ARHGAP15: variants seen among roughly 807,000 people sequenced by gnomAD.
ARHGAP15 encodes Rho GTPase activating protein 15, also known as rho GTPase-activating protein 15.
ARHGAP15 carries 51 observed loss-of-function variants against 63.7 expected under a neutral mutation model. The observed-to-expected ratio is 0.80, with a 90% CI of 0.64 to 1.01. The LOEUF (loss-of-function observed/expected upper bound fraction) is 1.01. Among genes scored for constraint, ARHGAP15 ranks in the 50% least tolerant of loss-of-function variants. The pLI, the probability that ARHGAP15 is intolerant of heterozygous loss-of-function variation, is 0.00. For synonymous variants in ARHGAP15, 191 were observed against 193.8 expected (o/e 0.99, Z 0.12); for missense variants, 560 against 564.6 (o/e 0.99, Z 0.08).
chr2:143,132,921 A>G (rs527906203), intron 1 of ARHGAP15, among the ~76,000 whole-genome samples: 1 of 151,772 alleles, frequency 6.6e-6, no homozygotes, highest in Non-Finnish European at 1.5e-5. Context: ...ATGTTTGACA[A>G]CTCCTCACAA....
At chr2:143,220,859 G>A (rs1273266014) in intron 4 of ARHGAP15, among the ~76,000 whole-genome samples, 1 of 151,942 alleles carries the variant, frequency 6.6e-6, no homozygotes, top group East Asian at 1.9e-4. Context: ...TCAAGCACTT[G>A]GCTGAATTCT....
chr2:143,436,159 C>T (rs1224966348), intron 7 of ARHGAP15, among the ~76,000 whole-genome samples: 1 of 152,054 alleles, frequency 6.6e-6, no homozygotes, highest in Non-Finnish European at 1.5e-5. Context: ...ATGAAAATTA[C>T]ATATCTAGAA....
At chr2:143,574,598 T>A (rs1696597884) in intron 11 of ARHGAP15, among the ~76,000 whole-genome samples, 1 of 152,158 alleles carries the variant, frequency 6.6e-6, no homozygotes, top group African/African-American at 2.4e-5. Context: ...ATCCTCTCTA[T>A]TGATAAAGGC....
chr2:143,416,758 G>A (rs1688695422), intron 6 of ARHGAP15, among the ~76,000 whole-genome samples: 1 of 151,816 alleles, frequency 6.6e-6, no homozygotes, highest in African/African-American at 2.4e-5. Flanking sequence ...TTTACAGACT[G>A]TCTTAGTCCT....
At chr2:143,246,927 A>T (rs1694064004) in intron 5 of ARHGAP15, among the ~76,000 whole-genome samples, 3 of 152,170 alleles carry the variant, frequency 2.0e-5, no homozygotes, top group African/African-American at 7.2e-5. Flanking sequence ...CCTGGAGAGG[A>T]TGGCCACAGA....
intron 8 of ARHGAP15, among the ~76,000 whole-genome samples, chr2:143,449,032 A>G (rs1433096506): frequency 6.6e-6 from 1 of 152,072 alleles, no homozygotes; most frequent in East Asian, 1.9e-4. Context: ...TGCTATGACA[A>G]TGCATGATTT....
intron 11 of ARHGAP15, among the ~76,000 whole-genome samples, chr2:143,617,778 C>G (rs1698504425): frequency 6.6e-6 from 1 of 152,112 alleles, no homozygotes; most frequent in Non-Finnish European, 1.5e-5. Context: ...TAATATGATT[C>G]TAGGGAAGAG....
intron 6 of ARHGAP15, among the ~76,000 whole-genome samples, chr2:143,373,614 A>G (rs1000858071): frequency 3.0e-5 from 4 of 132,778 alleles, no homozygotes; most frequent in Admixed American, 8.4e-5. Flanking sequence ...TGGGTGAGAG[A>G]GCCAGACTCT....
intron 6 of ARHGAP15, among the ~76,000 whole-genome samples, chr2:143,286,621 G>A (rs978926697): frequency 6.6e-6 from 1 of 152,086 alleles, no homozygotes; most frequent in South Asian, 2.1e-4. Flanking sequence ...AATTGCCATG[G>A]TTCTAAGAAG....
At chr2:143,471,547 A>G (rs1303315167) in intron 8 of ARHGAP15, among the ~76,000 whole-genome samples, 1 of 152,160 alleles carries the variant, frequency 6.6e-6, no homozygotes, top group Non-Finnish European at 1.5e-5. Flanking sequence ...GAAAGGGGAT[A>G]GAGGGCTCCT....
chr2:143,484,147 C>T (rs1692201371), intron 8 of ARHGAP15, among the ~76,000 whole-genome samples: 1 of 151,972 alleles, frequency 6.6e-6, no homozygotes, highest in Non-Finnish European at 1.5e-5. Context: ...GGGTGGATCA[C>T]TTGAGGTCAG....
At chr2:143,748,098 A>G (rs921386133) in intron 13 of ARHGAP15, among the ~76,000 whole-genome samples, 1 of 152,198 alleles carries the variant, frequency 6.6e-6, no homozygotes, top group East Asian at 1.9e-4. Flanking sequence ...TGAATTTTCA[A>G]ATGAATGTGG....
chr2:143,489,561 G>C (rs1329361859), intron 9 of ARHGAP15, among the ~76,000 whole-genome samples: 1 of 151,566 alleles, frequency 6.6e-6, no homozygotes. Flanking sequence ...TTCCCAACTC[G>C]GTAAAAGGCA....
intron 13 of ARHGAP15, among the ~76,000 whole-genome samples, chr2:143,728,451 C>G (rs1039494845): frequency 4.6e-5 from 7 of 152,058 alleles, no homozygotes; most frequent in African/African-American, 1.7e-4. Context: ...ATAACTCAGC[C>G]CATATCACAC....
At chr2:143,577,698 G>T (rs1030330604) in intron 11 of ARHGAP15, among the ~76,000 whole-genome samples, 2 of 152,090 alleles carry the variant, frequency 1.3e-5, no homozygotes, top group Admixed American at 6.6e-5. Context: ...AACCAAAATT[G>T]TGTCATTAAC....
At chr2:143,583,392 A>C (rs569807652) in intron 11 of ARHGAP15, among the ~76,000 whole-genome samples, 1 of 152,334 alleles carries the variant, frequency 6.6e-6, no homozygotes. Context: ...GGACAACAGC[A>C]GTTTTATTGT....
intron 10 of ARHGAP15, among the ~76,000 whole-genome samples, chr2:143,549,603 C>T (rs1338555592): frequency 1.3e-5 from 2 of 152,194 alleles, no homozygotes; most frequent in Non-Finnish European, 2.9e-5. Flanking sequence ...CTGGGCTCCT[C>T]TTTCTTTATC....
chr2:143,470,701 A>G (rs1026164376), intron 8 of ARHGAP15, among the ~76,000 whole-genome samples: 2 of 149,314 alleles, frequency 1.3e-5, no homozygotes, highest in South Asian at 2.2e-4. Context: ...ATATATGTGT[A>G]TATATATGTG....
chr2:143,189,385 C>T (rs191197931), intron 2 of ARHGAP15, among the ~76,000 whole-genome samples: 45 of 151,706 alleles, frequency 3.0e-4, no homozygotes, highest in Admixed American at 2.7e-3. Flanking sequence ...TGGAGACATT[C>T]TCTTGTACTT....
Sources: allele counts gnomAD v4.1 joint callset (sites outside exome capture counted in the v4.1 genomes callset), GRCh38; gene constraint gnomAD v4.1.1; transcripts MANE v1.5; gene names NCBI Gene and HGNC (gene_info 2026-07-23, HGNC 2026-07-21).